Variants in FHIT observed in about 807,000 individuals in gnomAD.
FHIT encodes the protein bis(5'-adenosyl)-triphosphatase.
In FHIT, 19 loss-of-function variants were observed where a neutral mutation model predicts 17.9. That is an observed-to-expected ratio of 1.06 (90% CI 0.74 to 1.56). The LOEUF (loss-of-function observed/expected upper bound fraction) is 1.56. FHIT is among the 40% of genes most tolerant of loss of function. The pLI is 0.00. For synonymous variants in FHIT, 81 were observed against 69.7 expected, an observed-to-expected ratio of 1.16 and a Z score of -0.81; for missense variants, 248 against 189.2, an observed-to-expected ratio of 1.31 and a Z score of -1.82.
rs371968098 is a variant in FHIT, at chr3:60,521,543, G to A, written c.103+15317C>T. Among the ~76,000 whole-genome samples the A allele has an allele frequency of 1.1e-4, 16 of 152,166 alleles. No individual in the cohort carries two copies. The East Asian group carries it at 1.2e-3, about 11-fold the overall frequency. On this transcript the variant is annotated intron_variant, in intron 5 of 9. Transcript: ENST00000492590. ...ATTACAGGCATGAGCCACTGTGCCCGGCCAAAAGTTATAATTATTATACCA... is the reference window on the plus strand; with the variant it reads ...ATTACAGGCATGAGCCACTGTGCCCAGCCAAAAGTTATAATTATTATACCA...
Position 61,004,730 on chromosome 3 carries a change from C to CA in FHIT, c.-111+37316dup, listed in dbSNP as rs571548699. On this transcript the variant is annotated intron_variant, in intron 3 of 9. Coordinates refer to ENST00000492590, the MANE Select transcript of FHIT (RefSeq NM_002012.4). ...TTGGGTCCCCCCATTGGCCAGAAGG[C>CA]AAAAAAACCCACTGATGAAGCATAC... 1.5e-4 allele frequency among the ~76,000 whole-genome samples: 23 copies of CA among 151,780 alleles called. No homozygotes were observed. In the South Asian group the frequency reaches 3.1e-3, roughly 21 times the overall value.
rs540836971 is a variant in FHIT, at chr3:61,094,587, T to C, written c.-163-52488A>G. ...TGTTTCTCCTACACATGCATACCTATGAAAAAGTTTAATTTATAAATTAGG... is the reference window on the plus strand; with the variant it reads ...TGTTTCTCCTACACATGCATACCTACGAAAAAGTTTAATTTATAAATTAGG... On this transcript the variant is annotated intron_variant, in intron 2 of 9. Transcript: ENST00000492590. 3.3e-5 allele frequency among the ~76,000 whole-genome samples: 5 copies of C among 152,318 alleles called. No individual in the cohort carries two copies. The South Asian group carries it at 8.3e-4, about 25-fold the overall frequency.
chr3:59,988,782 C>A (rs368897382), intron 7 of FHIT, among the ~76,000 whole-genome samples: 1 of 152,044 alleles, frequency 6.6e-6, no homozygotes, highest in African/African-American at 2.4e-5. Flanking sequence ...TCAGCAGAAG[C>A]AGAGGTTAAG....
intron 4 of FHIT, among the ~76,000 whole-genome samples, chr3:60,567,815 T>G (rs540527914): frequency 6.6e-6 from 1 of 152,120 alleles, no homozygotes; most frequent in Non-Finnish European, 1.5e-5. Context: ...CAGACACTTC[T>G]CAAAAGAAGA....
intron 7 of FHIT, among the ~76,000 whole-genome samples, chr3:59,958,499 T>C (rs1001461924): frequency 6.6e-6 from 1 of 151,970 alleles, no homozygotes; most frequent in Non-Finnish European, 1.5e-5. Context: ...GAAGAAAAAA[T>C]ATAATGAAGT....
chr3:60,151,357 C>T (rs1293913401), intron 5 of FHIT, among the ~76,000 whole-genome samples: 1 of 152,144 alleles, frequency 6.6e-6, no homozygotes, highest in Non-Finnish European at 1.5e-5. Flanking sequence ...TCTTACCATT[C>T]ACACCATTAT....
In FHIT at chr3:60,492,508, A is replaced by T. The variant is rs908206706; in HGVS notation, c.103+44352T>A. Among the ~76,000 whole-genome samples, 9 of 141,620 alleles carry T rather than the reference A, an allele frequency of 6.4e-5. No homozygotes were observed. In the East Asian group the frequency reaches 1.7e-3, roughly 26 times the overall value. The allele number at this position is 141,620 out of a possible 152,430, so 92.9% of individuals were successfully genotyped here. Reference sequence around the variant, plus strand: ...TCACTATTAAAGAATGAAAGATGGCATTTTTTTTTTTTTTTTGAGATGGAG... The same window carrying T: ...TCACTATTAAAGAATGAAAGATGGCTTTTTTTTTTTTTTTTTGAGATGGAG... On this transcript the variant is annotated intron_variant, in intron 5 of 9. Transcript: ENST00000492590.
At chr3:60,592,714 G>A (rs1269697021) in intron 4 of FHIT, among the ~76,000 whole-genome samples, 5 of 152,118 alleles carry the variant, frequency 3.3e-5, no homozygotes, top group African/African-American at 1.2e-4. Context: ...CTAGAAACAA[G>A]GAAGGTTAGA....
intron 3 of FHIT, among the ~76,000 whole-genome samples, chr3:61,022,703 T>A (rs1414350614): frequency 6.6e-6 from 1 of 152,150 alleles, no homozygotes; most frequent in Non-Finnish European, 1.5e-5. Context: ...CACAAATCAA[T>A]AAACATAATC....
At chr3:61,172,873 A>G (rs2038047500) in intron 2 of FHIT, among the ~76,000 whole-genome samples, 1 of 152,158 alleles carries the variant, frequency 6.6e-6, no homozygotes, top group African/African-American at 2.4e-5. Flanking sequence ...GCAGAAGGCT[A>G]TTGTGGTTTT....
At chr3:60,982,074 T>C (rs531172454) in intron 3 of FHIT, among the ~76,000 whole-genome samples, 1 of 152,326 alleles carries the variant, frequency 6.6e-6, no homozygotes, top group South Asian at 2.1e-4. Flanking sequence ...CTCTTGCCCT[T>C]CCAGTTCATT....
chr3:59,802,139 G>A (rs1700019112), intron 8 of FHIT, among the ~76,000 whole-genome samples: 1 of 151,584 alleles, frequency 6.6e-6, no homozygotes, highest in Admixed American at 6.6e-5. Context: ...GGCTTATGCA[G>A]TGTTTAAAAG....
At chr3:59,901,963 G>T (rs1021937804) in intron 8 of FHIT, among the ~76,000 whole-genome samples, 20 of 152,258 alleles carry the variant, frequency 1.3e-4, no homozygotes, top group African/African-American at 4.8e-4. Context: ...GCAATAAAAA[G>T]AAGTTTGTGA....
At chr3:60,862,878 C>T (rs1025324832) in intron 3 of FHIT, among the ~76,000 whole-genome samples, 1 of 151,468 alleles carries the variant, frequency 6.6e-6, no homozygotes, top group Admixed American at 6.6e-5. Context: ...AGATTCCTGT[C>T]CCTGGTTATC....
chr3:60,214,522 G>C (rs1261157370), intron 5 of FHIT, among the ~76,000 whole-genome samples: 1 of 152,162 alleles, frequency 6.6e-6, no homozygotes, highest in Admixed American at 6.5e-5. Flanking sequence ...ACACCATGCT[G>C]GTGAGGCGAC....
In FHIT at chr3:60,303,490, G is replaced by A. The variant is rs571983766; in HGVS notation, c.103+233370C>T. Among the ~76,000 whole-genome samples the A allele has an allele frequency of 2.6e-5, 4 of 152,242 alleles. No homozygotes were observed. The South Asian group carries it at 8.3e-4, about 32-fold the overall frequency. ...CAAAGCAGCATTCACTAATGAATCT[G>A]AGCCCTCTCCCGTTGCTGGACCCAT... On this transcript the variant is annotated intron_variant, in intron 5 of 9. Transcript: ENST00000492590.
intron 4 of FHIT, among the ~76,000 whole-genome samples, chr3:60,720,818 C>T (rs1273810401): frequency 6.6e-6 from 1 of 152,034 alleles, no homozygotes; most frequent in Non-Finnish European, 1.5e-5. Flanking sequence ...AGTCTGTGGC[C>T]CACAGAAAGG....
At chr3:59,931,923 CA>C (rs1285132887) in intron 7 of FHIT, among the ~76,000 whole-genome samples, 1 of 151,888 alleles carries the variant, frequency 6.6e-6, no homozygotes, top group Non-Finnish European at 1.5e-5. Flanking sequence ...GAGCTTTTAG[CA>C]GCCAGACAGC....
intron 3 of FHIT, among the ~76,000 whole-genome samples, chr3:60,980,232 G>C (rs1445703852): frequency 6.6e-6 from 1 of 152,026 alleles, no homozygotes; most frequent in Admixed American, 6.6e-5. Flanking sequence ...TCTGTATAAA[G>C]CATAAGAAGG....
Sources: gnomAD v4.1 joint callset for allele counts (sites outside exome capture counted in the v4.1 genomes callset) on GRCh38, gnomAD v4.1.1 for gene constraint, MANE v1.5 for transcripts, NCBI Gene and HGNC (gene_info 2026-07-23, HGNC 2026-07-21) for gene names.